Variants in MAP4K5 observed in about 807,000 individuals in gnomAD.
MAP4K5 encodes the protein MAPK/ERK kinase kinase kinase 5.
MAP4K5 carries 82 observed loss-of-function variants against 135.6 expected under a neutral mutation model. That is an observed-to-expected ratio of 0.60 (90% CI 0.51 to 0.73). The LOEUF (loss-of-function observed/expected upper bound fraction) is 0.73. Ranked by LOEUF, MAP4K5 falls within the 30% of genes least tolerant of loss-of-function variation. MAP4K5 has a pLI of 0.00. For missense variants in MAP4K5, 907 were observed against 1,010.9 expected (o/e 0.90, Z 1.39); for synonymous variants, 347 against 335.0 (o/e 1.04, Z -0.39).
intron 2 of MAP4K5, among the ~76,000 whole-genome samples, chr14:50,508,149 A>T (rs1371794819): frequency 6.6e-6 from 1 of 152,084 alleles, no homozygotes; most frequent in Non-Finnish European, 1.5e-5. Context: ...AGTCTGTTTT[A>T]TCAGAGACTA....
At chr14:50,467,549 C>T (rs1307702031) in intron 10 of MAP4K5, among the ~76,000 whole-genome samples, 3 of 151,776 alleles carry the variant, frequency 2.0e-5, no homozygotes, top group Admixed American at 6.6e-5. Flanking sequence ...TAATGGCTGC[C>T]CTTAACTGTT....
chr14:50,457,798 C>A (rs904917013), intron 13 of MAP4K5, among the ~76,000 whole-genome samples: 1 of 152,170 alleles, frequency 6.6e-6, no homozygotes, highest in Non-Finnish European at 1.5e-5. Flanking sequence ...TCCATTGATT[C>A]ATTATTTTCT....
chr14:50,551,765 G>A (rs1187496755), intron 1 of MAP4K5, among the ~76,000 whole-genome samples: 1 of 151,902 alleles, frequency 6.6e-6, no homozygotes, highest in African/African-American at 2.4e-5. Context: ...CAAAAATTAT[G>A]TGATAATCTC....
At chr14:50,470,430 G>C (rs1254916109) in intron 9 of MAP4K5, among the ~76,000 whole-genome samples, 1 of 152,112 alleles carries the variant, frequency 6.6e-6, no homozygotes, top group African/African-American at 2.4e-5. Flanking sequence ...GTCATAGAAA[G>C]TGAGGGACTC....
At chr14:50,501,525 A>C (rs2037705645) in intron 3 of MAP4K5, among the ~76,000 whole-genome samples, 1 of 152,192 alleles carries the variant, frequency 6.6e-6, no homozygotes, top group East Asian at 1.9e-4. Context: ...TATTAAAAAA[A>C]GAAAAATTCA....
intron 20 of MAP4K5, among the ~76,000 whole-genome samples, chr14:50,443,270 C>T (rs1342017097): frequency 6.6e-6 from 1 of 152,090 alleles, no homozygotes; most frequent in Non-Finnish European, 1.5e-5. Context: ...TATAAAGCAT[C>T]CCATTCATAC....
intron 6 of MAP4K5, among the ~76,000 whole-genome samples, chr14:50,477,056 T>C (rs936281579): frequency 1.3e-5 from 2 of 152,204 alleles, no homozygotes; most frequent in Admixed American, 1.3e-4. Context: ...TTGCACTGAA[T>C]CTACAGAACA....
rs958810437 is a variant in MAP4K5, at chr14:50,432,284, CA to C, written c.2164+2109del. On this transcript the variant is annotated intron_variant, in intron 28 of 32. Coordinates refer to ENST00000682126, the MANE Select transcript of MAP4K5 (RefSeq NM_006575.6). ...TGAACACAGCTAGGAGTTGGATTAA[CA>C]AATCACTTGTAAAAATGGGGAAACC... 3.9e-5 allele frequency among the ~76,000 whole-genome samples: 6 copies of C among 152,240 alleles called. 1 individual carries two copies. Among genetic ancestry groups the C allele is most frequent in the African/African-American group, 1.4e-4 (6 of 41,540 alleles).
At chr14:50,420,410 C>T (rs745487666) in intron 32 of MAP4K5, among the ~76,000 whole-genome samples, 9 of 152,020 alleles carry the variant, frequency 5.9e-5, no homozygotes, top group African/African-American at 1.4e-4. Context: ...GCAGGGGGAT[C>T]GCTTGAGCCC....
chr14:50,456,245 G>C, intron 14 of MAP4K5: 1 of 430,324 alleles, frequency 2.3e-6, no homozygotes, highest in East Asian at 4.7e-5. Flanking sequence ...TGGGTGATGT[G>C]ATTGCATGCA....
intron 18 of MAP4K5, among the ~76,000 whole-genome samples, chr14:50,444,545 C>G (rs905795263): frequency 7.2e-5 from 11 of 151,874 alleles, no homozygotes; most frequent in Admixed American, 6.6e-4. Flanking sequence ...GCCCAGGGGT[C>G]TGAGATTAGC....
At chr14:50,536,534 A>G (rs763448113), upstream of MAP4K5, among the ~76,000 whole-genome samples, 10 of 152,164 alleles carry the variant, frequency 6.6e-5, no homozygotes, top group Non-Finnish European at 1.3e-4. Context: ...GGTAACAGGC[A>G]GAGGTTGGAA....
At chr14:50,442,671 T>C (rs2036254835) in intron 21 of MAP4K5, 61 bp downstream of exon 21, 8 of 1,166,372 alleles carry the variant, frequency 6.9e-6, no homozygotes, top group Non-Finnish European at 1.0e-5. Flanking sequence ...TCACTGATCA[T>C]AAAGATCTTT....
intron 13 of MAP4K5, among the ~76,000 whole-genome samples, chr14:50,460,978 A>T (rs2036698704): frequency 6.6e-6 from 1 of 152,174 alleles, no homozygotes; most frequent in Admixed American, 6.6e-5. Context: ...ATTTGGCCTA[A>T]TACTTGGCAT....
chr14:50,542,747 A>G (rs776266108), intron 1 of MAP4K5, among the ~76,000 whole-genome samples: 1 of 152,186 alleles, frequency 6.6e-6, no homozygotes, highest in Non-Finnish European at 1.5e-5. Context: ...ATAATATGCT[A>G]GCACCAACTT....
chr14:50,494,395 T>A (rs992450283), intron 3 of MAP4K5, among the ~76,000 whole-genome samples: 1 of 152,048 alleles, frequency 6.6e-6, no homozygotes, highest in African/African-American at 2.4e-5. Context: ...CTCGAACTCC[T>A]GACCTCGTGA....
At chr14:50,477,347 T>C (rs114976432) in intron 6 of MAP4K5, among the ~76,000 whole-genome samples, 1,725 of 152,334 alleles carry the variant, frequency 0.011, 31 homozygotes, top group African/African-American at 0.04. Flanking sequence ...CTAGCCTAAT[T>C]TATTAGTTCT....
chr14:50,546,846 T>A (rs78476067), intron 1 of MAP4K5, among the ~76,000 whole-genome samples: 2,181 of 146,576 alleles, frequency 0.015, 18 homozygotes, highest in Non-Finnish European at 0.023. Context: ...GGTTTTTTTT[T>A]AATTATTATA....
At chr14:50,467,386 C>T (rs1432666763) in intron 10 of MAP4K5, among the ~76,000 whole-genome samples, 1 of 151,972 alleles carries the variant, frequency 6.6e-6, no homozygotes, top group Non-Finnish European at 1.5e-5. Context: ...TCCCACCATT[C>T]TATTATTTAA....
Sources: gnomAD v4.1 joint callset for allele counts (sites outside exome capture counted in the v4.1 genomes callset) on GRCh38, gnomAD v4.1.1 for gene constraint, MANE v1.5 for transcripts, NCBI Gene and HGNC (gene_info 2026-07-23, HGNC 2026-07-21) for gene names.